The following CDC42BPG variants were observed in gnomAD, a reference collection of about 807,000 sequenced individuals.
CDC42BPG encodes CDC42 binding protein kinase gamma, also known as serine/threonine-protein kinase MRCK gamma.
In CDC42BPG, 157 loss-of-function variants were observed where a neutral mutation model predicts 192.2. The observed-to-expected ratio is 0.82, with a 90% CI of 0.72 to 0.93. CDC42BPG has a LOEUF of 0.93. CDC42BPG is among the 40% of genes least tolerant of loss of function. CDC42BPG has a pLI of 0.00. For synonymous variants in CDC42BPG, 981 were observed against 918.5 expected, an observed-to-expected ratio of 1.07 and a Z score of -1.23; for missense variants, 1,992 against 2,122.1, an observed-to-expected ratio of 0.94 and a Z score of 1.20.
At position 64,838,826 on chromosome 11, in the gene CDC42BPG, C is replaced by A. The variant is rs370408295; in HGVS notation, c.953G>T (p.Arg318Leu). ...ACCACGGCCTAGCCGCTCTTCCTGG[C>A]GACACAGCAGCTGGCGGATCAGGTC... ...AQDLIRQLLC[R>L]QEERLGRGGL... Residue 318 changes from arginine to leucine, a missense_variant, in exon 8 of 37, where the codon CGC (arginine) becomes CTC (leucine). Around this residue, in one of 2 missense-constraint regions of CDC42BPG, gnomAD observed 1,656 missense variants for 1,844.3 expected, o/e 0.90. Coordinates refer to ENST00000342711, the MANE Select transcript of CDC42BPG (RefSeq NM_017525.3). The A allele has an allele frequency of 3.7e-6, 6 of 1,612,516 alleles. No homozygotes were observed. The highest frequency in any genetic ancestry group is 1.3e-5 in the African/African-American group (1 of 74,960).
In CDC42BPG at chr11:64,835,102, C is replaced by T. The variant is rs958410365; in HGVS notation, c.2005G>A (p.Glu669Lys). Residue 669 changes from glutamate (E) to lysine (K), a missense_variant, in exon 17 of 37, where the codon GAG becomes AAG. Physicochemically the swap from Glu to Lys is moderately conservative, Grantham distance 56. Around this residue, in one of 2 missense-constraint regions of CDC42BPG, gnomAD observed 1,656 missense variants for 1,844.3 expected, o/e 0.90. Transcript: ENST00000342711. ...CAGTTGCTCTCCGTCTCCCGCCGCT[C>T]ACCCTCCAGCCGCTGCTTGCTCTCC... Reference protein sequence around the residue: ...EQESKQRLEGERRETESNWEA... With the variant: ...EQESKQRLEGKRRETESNWEA... 6.2e-7 allele frequency: 1 copy of T among 1,602,262 alleles called. No homozygotes were observed. Among genetic ancestry groups the T allele is most frequent in the African/African-American group, 1.3e-5 (1 of 74,970 alleles).
Position 64,832,963 on chromosome 11 carries a change from TG to T in CDC42BPG, c.2732-5del. The T allele has an allele frequency of 6.6e-7, 1 of 1,522,888 alleles. No homozygotes were observed. The highest frequency in any genetic ancestry group is 8.8e-7 in the Non-Finnish European group (1 of 1,133,468). 94.3% of individuals were successfully genotyped at this position (1,522,888 alleles called of 1,614,324 possible). ...GTGTGACAAAAGTAGCCGCAGGCTG[TG>T]GGGAAAGTGGAGAAGGTGGATGAGG... On this transcript the variant is annotated splice_region_variant and splice_polypyrimidine_tract_variant and intron_variant, in intron 24 of 36. Coordinates refer to ENST00000342711, the MANE Select transcript of CDC42BPG (RefSeq NM_017525.3).
intron 28 of CDC42BPG, among the ~76,000 whole-genome samples, chr11:64,830,665 C>T (rs1308155269): frequency 6.6e-6 from 1 of 152,228 alleles, no homozygotes; most frequent in East Asian, 1.9e-4. Flanking sequence ...TCTCCTGTGT[C>T]TCCCGCCCTG....
chr11:64,836,368 G>T, intron 12 of CDC42BPG, 59 bp downstream of exon 12: 1 of 817,586 alleles, frequency 1.2e-6, no homozygotes, highest in South Asian at 1.7e-5. Context: ...TGGAGCCCAG[G>T]GCCACTCACC....
In CDC42BPG at chr11:64,829,916, G is replaced by A. The variant is rs747504139; in HGVS notation, c.3522C>T (p.Pro1174=). ...ENIEVAGAKI[P]ESRGCQVLAA... Reference sequence around the variant, plus strand: ...CCAGCACCTGGCAGCCTCGAGACTCGGGGATCTTGGCACCTGCTACCTCTA... The same window carrying A: ...CCAGCACCTGGCAGCCTCGAGACTCAGGGATCTTGGCACCTGCTACCTCTA... Residue 1174 remains proline, a synonymous_variant, in exon 30 of 37, where the codon CCC becomes CCT. Transcript: ENST00000342711. The A allele has an allele frequency of 2.1e-5, 34 of 1,610,594 alleles. No homozygotes were observed. The Admixed American group carries it at 4.2e-4, about 20-fold the overall frequency.
intron 18 of CDC42BPG, 25 bp from the exon 19 acceptor site, chr11:64,834,602 A>G (rs1283302344): frequency 6.5e-7 from 1 of 1,529,038 alleles, no homozygotes; most frequent in Admixed American, 2.1e-5. Flanking sequence ...GCACCCGTAT[A>G]AGATGCTTTC....
chr11:64,834,753 CACCTCCAGTAGTG>C, intron 18 of CDC42BPG, 83 bp downstream of exon 18: 1 of 1,368,746 alleles, frequency 7.3e-7, no homozygotes. Context: ...TTGGTGTCCC[CACCTCCAGTAGTG>C]ACCTTCAGTA....
chr11:64,838,240 C>T, intron 8 of CDC42BPG, 78 bp from the exon 9 acceptor site: 1 of 1,118,324 alleles, frequency 8.9e-7, no homozygotes, highest in Non-Finnish European at 1.3e-6. Flanking sequence ...CCCCTGGGAC[C>T]AGGTGCGACC....
rs1459842875 is a variant in CDC42BPG, at chr11:64,829,604, C to T, written c.3834G>A (p.Glu1278=). 1.2e-6 allele frequency: 2 copies of T among 1,612,036 alleles called. No individual in the cohort carries two copies. The highest frequency in any genetic ancestry group is 2.2e-5 in the East Asian group (1 of 44,842). The change falls in exon 30 of 37, where the codon GAG becomes GAA. Residue 1278 remains glutamate (E), a synonymous_variant. Coordinates refer to ENST00000342711, the MANE Select transcript of CDC42BPG (RefSeq NM_017525.3). ...ELPPSRGGLG[E]ALGAVELSLS... is the part of the protein sequence containing the mutation. Reference sequence around the variant, plus strand: ...GGCTAAGCTCCACGGCACCCAGTGCCTCACCCAGGCCCCCGCGGGATGGTG... The same window carrying T: ...GGCTAAGCTCCACGGCACCCAGTGCTTCACCCAGGCCCCCGCGGGATGGTG...
intron 11 of CDC42BPG, 89 bp from the exon 12 acceptor site, chr11:64,836,619 C>T (rs1381186135): frequency 3.0e-5 from 40 of 1,328,840 alleles, no homozygotes; most frequent in East Asian, 2.2e-4. Flanking sequence ...TTCCCACACG[C>T]GGGCTCAGAG....
intron 16 of CDC42BPG, 94 bp from the exon 17 acceptor site, chr11:64,835,247 A>G (rs1205000772): frequency 6.2e-7 from 1 of 1,606,002 alleles, no homozygotes; most frequent in Admixed American, 1.7e-5. Flanking sequence ...AGCCCCGTCC[A>G]TGTCCACCCT....
In CDC42BPG at chr11:64,831,637, G is replaced by T; in HGVS notation, c.3172C>A (p.Leu1058Met). ...AESEGERERWLQVLGELQRLL... is the reference protein window; with the variant it reads ...AESEGERERWMQVLGELQRLL... ...CGCTGCAGCTCACCCAGCACCTGCA[G>T]CCAGCGTTCCCGCTCCCCCTCGCTC... The change falls in exon 28 of 37, where the codon CTG becomes ATG. Residue 1058 changes from leucine to methionine, a missense_variant. By Grantham distance (15) the Leu-to-Met change is conservative. Around this residue, in one of 2 missense-constraint regions of CDC42BPG, gnomAD observed 1,656 missense variants for 1,844.3 expected, o/e 0.90. Transcript: ENST00000342711. 1 of 1,611,386 alleles carries T rather than the reference G, an allele frequency of 6.2e-7. No individual in the cohort carries two copies. The highest frequency in any genetic ancestry group is 8.5e-7 in the Non-Finnish European group (1 of 1,179,818).
chr11:64,839,427 A>C lies in CDC42BPG; in HGVS notation c.675+51T>G, dbSNP rs1276525083. Reference sequence around the variant, plus strand: ...GCCTGGGGCCTCCCATTTTCCTGAGAGCTTGGCCCGCCTTGTATCCCCTGC... The same window carrying C: ...GCCTGGGGCCTCCCATTTTCCTGAGCGCTTGGCCCGCCTTGTATCCCCTGC... On this transcript the variant is annotated intron_variant, in intron 6 of 36. Coordinates refer to ENST00000342711, the MANE Select transcript of CDC42BPG (RefSeq NM_017525.3). The C allele has an allele frequency of 3.0e-6, 3 of 986,568 alleles. No homozygotes were observed. The South Asian group carries it at 4.3e-5, about 14-fold the overall frequency. The allele number at this position is 986,568 out of a possible 1,614,324, so 61.1% of individuals were successfully genotyped here. A position where few individuals can be genotyped will look rare whatever the true frequency, so the allele number is the denominator to read the frequency against.
In CDC42BPG at chr11:64,838,914, G is replaced by C. The variant is rs781093388; in HGVS notation, c.877-12C>G. The stretch of plus-strand genomic sequence containing the variant: ...AACTGCAGGTGGTCCTGTGGGTCGG[G>C]GGAGGGGGCAGGCTGGGTCAAGTGT... On this transcript the variant is annotated splice_polypyrimidine_tract_variant and intron_variant, in intron 7 of 36. Transcript: ENST00000342711. 1.2e-5 allele frequency: 19 copies of C among 1,601,434 alleles called. No homozygotes were observed. In the South Asian group the frequency reaches 1.5e-4, roughly 13 times the overall value.
intron 27 of CDC42BPG, among the ~76,000 whole-genome samples, chr11:64,831,942 C>T (rs549980343): frequency 2.0e-5 from 3 of 152,204 alleles, no homozygotes; most frequent in South Asian, 2.1e-4. Context: ...AAACCGGGGC[C>T]GGGAAGTGAA....
chr11:64,830,293 C>A, intron 28 of CDC42BPG, 37 bp from the exon 29 acceptor site: 1 of 1,540,774 alleles, frequency 6.5e-7, no homozygotes, highest in Non-Finnish European at 8.9e-7. Context: ...GGTCAGCAGT[C>A]CCACTCAATG....
chr11:64,838,372 G>A (rs765616036), intron 8 of CDC42BPG, among the ~76,000 whole-genome samples: 5 of 152,204 alleles, frequency 3.3e-5, no homozygotes, highest in Non-Finnish European at 5.9e-5. Context: ...CTAGTTAATA[G>A]AATGATACCT....
Position 64,827,073 on chromosome 11 carries a change from G to GCCGC in CDC42BPG, c.4362_4365dup (p.Pro1456AlafsTer92). Reference sequence around the variant, plus strand: ...ACCGGGGACTTGTCCCTGGCGCCGGGCCGCCCGTTGGCAGGGCCCACGTGT... The same window carrying GCCGC: ...ACCGGGGACTTGTCCCTGGCGCCGGGCCGCCCGCCCGTTGGCAGGGCCCACGTGT... On this transcript the variant is annotated frameshift_variant, in exon 34 of 37. Coordinates refer to ENST00000342711, the MANE Select transcript of CDC42BPG (RefSeq NM_017525.3). LOFTEE classifies it high-confidence loss of function. The GCCGC allele has an allele frequency of 6.2e-7, 1 of 1,612,756 alleles. No homozygotes were observed. The highest frequency in any genetic ancestry group is 8.5e-7 in the Non-Finnish European group (1 of 1,178,826).
In CDC42BPG at chr11:64,838,113, G is replaced by A; in HGVS notation, c.1175C>T (p.Pro392Leu). 7 of 1,553,312 alleles carry A rather than the reference G, an allele frequency of 4.5e-6. No homozygotes were observed. Among genetic ancestry groups the A allele is most frequent in the Admixed American group, 1.9e-5 (1 of 51,464 alleles). Residue 392 changes from proline to leucine, a missense_variant, in exon 9 of 37, where the codon CCA becomes CTA. Around this residue, in one of 2 missense-constraint regions of CDC42BPG, gnomAD observed 1,656 missense variants for 1,844.3 expected, o/e 0.90. Coordinates refer to ENST00000342711, the MANE Select transcript of CDC42BPG (RefSeq NM_017525.3). ...SHGAFSGHHLPFVGFTYTSGS... is the reference protein window; with the variant it reads ...SHGAFSGHHLLFVGFTYTSGS... ...TGAGGTGTAGGTGAAGCCCACGAAT[G>A]GCAGGTGATGGCCGGAGAAGGCCCC...
Sources: gnomAD v4.1 joint callset for allele counts (sites outside exome capture counted in the v4.1 genomes callset) on GRCh38, gnomAD v4.1.1 for gene constraint, gnomAD v4.1.1 regional missense constraint, MANE v1.5 for transcripts, NCBI Gene and HGNC (gene_info 2026-07-23, HGNC 2026-07-21) for gene names.